MDN1: variants seen among roughly 807,000 people sequenced by gnomAD.
The protein encoded by MDN1 is midasin.
In MDN1, 266 loss-of-function variants were observed where a neutral mutation model predicts 669.2. The ratio of observed to expected loss-of-function variants is 0.40; its 90% CI spans 0.36 to 0.44. The LOEUF (loss-of-function observed/expected upper bound fraction) is 0.44, where lower values mean the gene tolerates loss of function less well. Ranked by LOEUF, MDN1 falls within the 20% of genes least tolerant of loss-of-function variation. The probability of loss-of-function intolerance (pLI) is 1.00; values close to 1 mark genes in which losing one functional copy is unlikely to be tolerated. For synonymous variants in MDN1, 2,385 were observed against 2,457.1 expected (o/e 0.97, Z 0.87); for missense variants, 5,940 against 6,754.0 (o/e 0.88, Z 4.22).
Position 89,743,247 on chromosome 6 carries a change from G to A in MDN1, c.4351C>T (p.His1451Tyr), listed in dbSNP as rs754894950. 3.7e-6 allele frequency: 6 copies of A among 1,614,162 alleles called. No individual in the cohort carries two copies. In the South Asian group the frequency reaches 5.5e-5, roughly 15 times the overall value. The change falls in exon 31 of 102, where the codon CAT (histidine) becomes TAT (tyrosine). Residue 1451 changes from histidine to tyrosine, a missense_variant. His to Tyr is a moderately conservative substitution (Grantham distance 83). Around this residue, in one of 5 missense-constraint regions of MDN1, gnomAD observed 2,292 missense variants for 2,638.3 expected, o/e 0.87. Coordinates refer to ENST00000369393, the MANE Select transcript of MDN1 (RefSeq NM_014611.3). ...ATGGCCTGAACCAGAGGCCCATCAT[G>A]CCACTCAAAGAGTCTTGATGTGTCA... Reference protein sequence around the residue: ...EIDTSRLFEWHDGPLVQAMKE... With the variant: ...EIDTSRLFEWYDGPLVQAMKE...
chr6:89,674,651 T>A, intron 78 of MDN1, 62 bp from the exon 79 acceptor site: 1 of 1,488,504 alleles, frequency 6.7e-7, no homozygotes, highest in Non-Finnish European at 8.9e-7. Context: ...TTTACCACAT[T>A]GTTTTAAAAG....
At position 89,693,123 on chromosome 6, in the gene MDN1, G is replaced by A. The variant is rs1315390210; in HGVS notation, c.9907C>T (p.Leu3303=). The A allele has an allele frequency of 1.2e-6, 2 of 1,602,402 alleles. No homozygotes were observed. The highest frequency in any genetic ancestry group is 1.7e-6 in the Non-Finnish European group (2 of 1,175,060). Residue 3303 remains leucine (L), a synonymous_variant, in exon 63 of 102, where the codon CTG becomes TTG. Coordinates refer to ENST00000369393, the MANE Select transcript of MDN1 (RefSeq NM_014611.3). ...AACAGGTGACAGGTTAAATTATCCA[G>A]CCGATCCATCCTTTGGCGAAGCAGC... ...VRLLRQRMDR[L]DNLTCHLLKK... is the part of the protein sequence containing the mutation.
intron 37 of MDN1, among the ~76,000 whole-genome samples, chr6:89,725,930 T>TACACATACAC (rs983133902): frequency 1.4e-5 from 2 of 147,478 alleles, no homozygotes; most frequent in Non-Finnish European, 3.0e-5. Flanking sequence ...TGGTATTTTA[T>TACACATACAC]ACACACACAC....
rs775153746 is a variant in MDN1, at chr6:89,718,347, G to C, written c.6583+19C>G. ...TAAGCAATGGTAAGTTCCTGATACA[G>C]AGATCCAAATATACATACCTGCCTT... On this transcript the variant is annotated intron_variant, in intron 43 of 101. Coordinates refer to ENST00000369393, the MANE Select transcript of MDN1 (RefSeq NM_014611.3). 9.3e-6 allele frequency: 15 copies of C among 1,608,042 alleles called. No individual in the cohort carries two copies. The South Asian group carries it at 1.7e-4, about 18-fold the overall frequency.
intron 7 of MDN1, among the ~76,000 whole-genome samples, chr6:89,788,853 C>T (rs1330554764): frequency 6.6e-6 from 1 of 152,146 alleles, no homozygotes; most frequent in African/African-American, 2.4e-5. Context: ...AGGCCGGGCG[C>T]GGTGGCTCAC....
intron 101 of MDN1, among the ~76,000 whole-genome samples, chr6:89,644,579 A>C (rs1808361313): frequency 6.6e-6 from 1 of 152,158 alleles, no homozygotes; most frequent in Non-Finnish European, 1.5e-5. Flanking sequence ...GGCATATTTC[A>C]CTAAGATGAT....
At chr6:89,682,699 T>TAAAAAAAAAAAAAAAAAAAAAAA (rs143107841) in intron 73 of MDN1, among the ~76,000 whole-genome samples, 3 of 96,858 alleles carry the variant, frequency 3.1e-5, no homozygotes, top group Admixed American at 1.1e-4. Flanking sequence ...GACTCTGTCT[T>TAAAAAAAAAAAAAAAAAAAAAAA]AAAAAAAAAA....
chr6:89,686,043 A>G, intron 69 of MDN1, 70 bp from the exon 70 acceptor site: 1 of 1,495,832 alleles, frequency 6.7e-7, no homozygotes, highest in South Asian at 1.2e-5. Context: ...ACATGCACGC[A>G]ATCTATTTGG....
intron 12 of MDN1, among the ~76,000 whole-genome samples, chr6:89,774,937 C>A (rs571609649): frequency 1.3e-5 from 2 of 152,012 alleles, no homozygotes; most frequent in East Asian, 3.9e-4. Flanking sequence ...ATCATGTTTC[C>A]CTAAAATGGT....
intron 89 of MDN1, 49 bp from the exon 90 acceptor site, chr6:89,658,419 A>G (rs546826128): frequency 1.2e-6 from 2 of 1,610,184 alleles, no homozygotes; most frequent in Non-Finnish European, 1.7e-6. Flanking sequence ...GGGGAACAGC[A>G]TAAGGTGGGA....
intron 100 of MDN1, 125 bp from the exon 101 acceptor site, chr6:89,645,282 TA>T: frequency 9.8e-7 from 1 of 1,020,854 alleles, no homozygotes; most frequent in Non-Finnish European, 1.4e-6. Context: ...AACAGACCTC[TA>T]AAGCTGATGA....
In MDN1 at chr6:89,794,705, C is replaced by G. The variant is rs188022543; in HGVS notation, c.426G>C (p.Arg142Ser). The G allele has an allele frequency of 6.2e-7, 1 of 1,614,204 alleles. No homozygotes were observed. Among genetic ancestry groups the G allele is most frequent in the African/African-American group, 1.3e-5 (1 of 75,052 alleles). ...CTTCCATTAGGTCCCGGAGCTTCAT[C>G]CTCCTACGTCCATAGCGTACTGGAT... ...DANPVRYGRR[R>S]MKLRDLMEAA... Residue 142 changes from arginine (R) to serine (S), a missense_variant, in exon 3 of 102, where the codon AGG becomes AGC. This residue lies in a region of MDN1 where 1,203 missense variants were observed against 1,268.9 expected (regional missense o/e 0.95). Transcript: ENST00000369393.
chr6:89,707,593 C>T, intron 51 of MDN1, 117 bp from the exon 52 acceptor site: 2 of 686,900 alleles, frequency 2.9e-6, no homozygotes, highest in Non-Finnish European at 5.2e-6. Flanking sequence ...CCATTCCTCT[C>T]CTGCCTCTGC....
intron 19 of MDN1, among the ~76,000 whole-genome samples, chr6:89,757,643 C>T (rs975367947): frequency 2.6e-5 from 4 of 152,142 alleles, no homozygotes; most frequent in African/African-American, 9.7e-5. Flanking sequence ...AATCTAAAAA[C>T]GAAGTCTTGG....
In MDN1 at chr6:89,719,180, A is replaced by G. The variant is rs567633763; in HGVS notation, c.6013T>C (p.Tyr2005His). 5 of 1,613,840 alleles carry G rather than the reference A, an allele frequency of 3.1e-6. No homozygotes were observed. Among genetic ancestry groups the G allele is most frequent in the East Asian group, 2.2e-5 (1 of 44,888 alleles). Residue 2005 changes from tyrosine to histidine, a missense_variant, in exon 41 of 102, where the codon TAC becomes CAC. Tyr to His is a moderately conservative substitution (Grantham distance 83). Coordinates refer to ENST00000369393, the MANE Select transcript of MDN1 (RefSeq NM_014611.3). ...KDVFGSNSNP[Y>H]MGTRLFRITP... ...ATACGAAATAGTCTGGTTCCCATGT[A>G]TGGGTTGGAATTTGAACCAAACACA...
At chr6:89,732,237 A>C (rs1302219217) in intron 34 of MDN1, among the ~76,000 whole-genome samples, 1 of 151,098 alleles carries the variant, frequency 6.6e-6, no homozygotes, top group Admixed American at 6.6e-5. Flanking sequence ...TTCCTAACAC[A>C]TGTATCCCAG....
chr6:89,715,800 G>A, intron 44 of MDN1, 31 bp from the exon 45 acceptor site: 2 of 1,385,836 alleles, frequency 1.4e-6, no homozygotes, highest in Non-Finnish European at 2.1e-6. Flanking sequence ...TGGTGGATAG[G>A]CTGACATGCT....
At chr6:89,791,453 CTGGTATT>C (rs1373098109) in intron 5 of MDN1, among the ~76,000 whole-genome samples, 29 of 151,856 alleles carry the variant, frequency 1.9e-4, no homozygotes, top group African/African-American at 7.0e-4. Flanking sequence ...ACTATGATGC[CTGGTATT>C]TGCTTCTAAG....
At position 89,758,812 on chromosome 6, in the gene MDN1, C is replaced by A; in HGVS notation, c.2605+4G>T. ...AGTCAAATCCCAAGGGATTCAAGTG[C>A]TACCTGTGTCTCCTCGATCCAGCAA... On this transcript the variant is annotated splice_donor_region_variant and intron_variant, in intron 18 of 101. Transcript: ENST00000369393. 2.5e-6 allele frequency: 4 copies of A among 1,614,024 alleles called. No individual in the cohort carries two copies. Among genetic ancestry groups the A allele is most frequent in the Non-Finnish European group, 3.4e-6 (4 of 1,179,962 alleles).
Sources: allele counts gnomAD v4.1 joint callset (sites outside exome capture counted in the v4.1 genomes callset), GRCh38; gene constraint gnomAD v4.1.1; regional missense constraint gnomAD v4.1.1; transcripts MANE v1.5; gene names NCBI Gene and HGNC (gene_info 2026-07-23, HGNC 2026-07-21).